Variants in FGFR2 observed in about 807,000 individuals in gnomAD.
FGFR2 encodes the protein BEK fibroblast growth factor receptor.
In FGFR2, 19 loss-of-function variants were observed where a neutral mutation model predicts 95.9. The observed-to-expected ratio is 0.20, with a 90% CI of 0.14 to 0.29. The LOEUF is 0.29. Ranked by LOEUF, FGFR2 falls within the 10% of genes least tolerant of loss-of-function variation. The pLI is 1.00. For synonymous variants in FGFR2, 392 were observed against 393.3 expected (o/e 1.00, Z 0.04); for missense variants, 707 against 1,056.9 (o/e 0.67, Z 4.59).
intron 13 of FGFR2, 147 bp downstream of exon 13, chr10:121,496,385 A>G: frequency 1.1e-6 from 1 of 872,174 alleles, no homozygotes; most frequent in Non-Finnish European, 1.9e-6. Context: ...ATTAAACTCA[A>G]ATGGGAATAA....
At chr10:121,497,343 C>G (rs1484246457) in intron 12 of FGFR2, among the ~76,000 whole-genome samples, 1 of 152,142 alleles carries the variant, frequency 6.6e-6, no homozygotes, top group Non-Finnish European at 1.5e-5. Flanking sequence ...TCCCTCCACT[C>G]TATCCTTTTG....
chr10:121,491,666 G>A (rs949567119), intron 13 of FGFR2, among the ~76,000 whole-genome samples: 28 of 151,772 alleles, frequency 1.8e-4, no homozygotes, highest in Non-Finnish European at 1.3e-4. Context: ...GTCAGGAGAT[G>A]GAGACCACCC....
chr10:121,493,400 G>A (rs531983106), intron 13 of FGFR2, among the ~76,000 whole-genome samples: 1 of 152,202 alleles, frequency 6.6e-6, no homozygotes, highest in African/African-American at 2.4e-5. Flanking sequence ...TCAGGGCTAG[G>A]GTGGGCAGGG....
At chr10:121,492,628 C>A (rs796566584) in intron 13 of FGFR2, among the ~76,000 whole-genome samples, 2 of 152,218 alleles carry the variant, frequency 1.3e-5, no homozygotes, top group Non-Finnish European at 1.5e-5. Flanking sequence ...AGGGCCGGAC[C>A]CTTTGCCTGG....
chr10:121,590,991 A>ACG (rs1564749867), intron 2 of FGFR2, among the ~76,000 whole-genome samples: 4 of 138,438 alleles, frequency 2.9e-5, no homozygotes, highest in Non-Finnish European at 4.8e-5. Flanking sequence ...GCACTCGCGC[A>ACG]CACACACACA....
chr10:121,535,088 C>A (rs1464931881), intron 6 of FGFR2, among the ~76,000 whole-genome samples: 3 of 152,134 alleles, frequency 2.0e-5, no homozygotes, highest in Non-Finnish European at 4.4e-5. Flanking sequence ...TTGAGACACA[C>A]AGTGAGAACA....
chr10:121,581,764 A>ATT (rs1564734267), intron 2 of FGFR2, among the ~76,000 whole-genome samples: 120 of 136,204 alleles, frequency 8.8e-4, no homozygotes, highest in African/African-American at 3.2e-3. Context: ...CTGCATTTAA[A>ATT]AAAAAAAAAA....
chr10:121,494,708 A>G (rs1846549643), intron 13 of FGFR2, among the ~76,000 whole-genome samples: 1 of 152,068 alleles, frequency 6.6e-6, no homozygotes. Flanking sequence ...CCCCACACAC[A>G]TACACACTTG....
rs2134057508 is a variant in FGFR2, at chr10:121,503,846, T to C, written c.1383A>G (p.Ala461=). 6.2e-7 allele frequency: 1 copy of C among 1,614,164 alleles called. No homozygotes were observed. Among genetic ancestry groups the C allele is most frequent in the South Asian group, 1.1e-5 (1 of 91,078 alleles). Residue 461 remains alanine, a synonymous_variant, in exon 10 of 18, where the codon GCA becomes GCG. Transcript: ENST00000358487. ...CTGGAAGTTCATACTCGGAGACCCC[T>C]GCCAGCATGGGGGTGTCTGCCGTTG... ...LSSTADTPML[A]GVSEYELPED... is the part of the protein sequence containing the mutation.
intron 12 of FGFR2, 71 bp from the exon 13 acceptor site, chr10:121,496,793 T>C (rs1846885928): frequency 2.9e-6 from 4 of 1,373,508 alleles, no homozygotes; most frequent in Non-Finnish European, 3.1e-6. Flanking sequence ...CAGCAAAACA[T>C]TTTTAGTTAT....
At chr10:121,583,832 G>A (rs1400387952) in intron 2 of FGFR2, among the ~76,000 whole-genome samples, 1 of 151,860 alleles carries the variant, frequency 6.6e-6, no homozygotes, top group East Asian at 1.9e-4. Flanking sequence ...CAAAGACCTG[G>A]GCCCACACTC....
intron 6 of FGFR2, among the ~76,000 whole-genome samples, chr10:121,524,131 CACACACACA>C (rs1850969268): frequency 6.7e-6 from 1 of 149,170 alleles, no homozygotes; most frequent in Non-Finnish European, 1.5e-5. Flanking sequence ...CACACACACA[CACACACACA>C]CACACACCCC....
At chr10:121,511,180 CA>C (rs370826516) in intron 9 of FGFR2, among the ~76,000 whole-genome samples, 8 of 144,502 alleles carry the variant, frequency 5.5e-5, no homozygotes, top group South Asian at 2.3e-4. Context: ...CTGAAAAAAA[CA>C]AAAAAAAAAC....
intron 2 of FGFR2, among the ~76,000 whole-genome samples, chr10:121,574,511 A>C (rs1859385845): frequency 6.6e-6 from 1 of 152,022 alleles, no homozygotes; most frequent in Admixed American, 6.6e-5. Context: ...CCTGGGTGAC[A>C]GAACTAAACT....
At chr10:121,487,051 G>A (rs1327614341) in intron 15 of FGFR2, among the ~76,000 whole-genome samples, 1 of 152,224 alleles carries the variant, frequency 6.6e-6, no homozygotes, top group Admixed American at 6.5e-5. Context: ...CATGCCAAGA[G>A]CTTGGCGAAT....
intron 9 of FGFR2, among the ~76,000 whole-genome samples, chr10:121,511,781 T>A (rs1231000106): frequency 2.0e-5 from 3 of 152,228 alleles, no homozygotes. Context: ...ACCATGTGCA[T>A]ACAAAGTCTC....
chr10:121,565,157 G>T, intron 3 of FGFR2, among the ~76,000 whole-genome samples: 1 of 127,930 alleles, frequency 7.8e-6, no homozygotes, highest in African/African-American at 3.2e-5. Flanking sequence ...TATTCTAAAT[G>T]CCAGAGATGT....
At position 121,519,851 on chromosome 10, in the gene FGFR2, A is replaced by C. The variant is rs1169714743; in HGVS notation, c.939+128T>G. The C allele has an allele frequency of 3.6e-6, 3 of 833,044 alleles. No homozygotes were observed. The East Asian group carries it at 7.7e-5, about 21-fold the overall frequency. The allele number at this position is 833,044 out of a possible 1,614,324, so 51.6% of individuals were successfully genotyped here. On this transcript the variant is annotated intron_variant, in intron 7 of 17. Transcript: ENST00000358487. ...TAATGATCTGTTAATTCCTTAGAAC[A>C]CTCTCTGCTGGCTAGTCAAAAAAGA...
At chr10:121,510,236 CTG>C (rs763076656) in intron 9 of FGFR2, among the ~76,000 whole-genome samples, 5 of 152,296 alleles carry the variant, frequency 3.3e-5, no homozygotes, top group Admixed American at 6.5e-5. Flanking sequence ...CCCTGGGACT[CTG>C]TGAGTAAACC....
Sources: gnomAD v4.1 joint callset for allele counts (sites outside exome capture counted in the v4.1 genomes callset) on GRCh38, gnomAD v4.1.1 for gene constraint, MANE v1.5 for transcripts, NCBI Gene and HGNC (gene_info 2026-07-23, HGNC 2026-07-21) for gene names.